The following FGF14 variants were observed in gnomAD, a reference collection of about 807,000 sequenced individuals.
FGF14 encodes fibroblast growth factor homologous factor 4.
FGF14 carries 5 observed loss-of-function variants against 25.5 expected under a neutral mutation model. That is an observed-to-expected ratio of 0.20 (90% CI 0.10 to 0.41). The LOEUF (loss-of-function observed/expected upper bound fraction) is 0.41. FGF14 is among the 10% of genes least tolerant of loss of function. FGF14 has a pLI of 1.00. For synonymous variants in FGF14, 138 were observed against 118.3 expected (o/e 1.17, Z -1.08); for missense variants, 222 against 320.1 (o/e 0.69, Z 2.34).
intron 1 of FGF14, among the ~76,000 whole-genome samples, chr13:102,033,162 C>A (rs2041295128): frequency 1.3e-5 from 2 of 152,078 alleles, no homozygotes; most frequent in Admixed American, 1.3e-4. Flanking sequence ...TCTTCATGAT[C>A]AGTTACTTTT....
At chr13:102,351,347 C>T (rs1004800654) in intron 1 of FGF14, among the ~76,000 whole-genome samples, 10 of 151,896 alleles carry the variant, frequency 6.6e-5, no homozygotes, top group African/African-American at 2.4e-4. Context: ...TCTTTCCCCT[C>T]GAACATGTCT....
intron 1 of FGF14, among the ~76,000 whole-genome samples, chr13:102,227,551 G>C (rs184237003): frequency 6.6e-6 from 1 of 151,900 alleles, no homozygotes; most frequent in Admixed American, 6.6e-5. Flanking sequence ...TTCATGTTTC[G>C]CAAACATAAT....
intron 3 of FGF14, among the ~76,000 whole-genome samples, chr13:101,746,640 T>G (rs2036909552): frequency 6.6e-6 from 1 of 152,012 alleles, no homozygotes. Flanking sequence ...CTGCATAAAG[T>G]GCCTGGTAGA....
chr13:102,310,573 A>G (rs1195487659), intron 1 of FGF14, among the ~76,000 whole-genome samples: 3 of 151,848 alleles, frequency 2.0e-5, no homozygotes, highest in African/African-American at 7.3e-5. Context: ...CAAGGGACTG[A>G]AAAGTGTCTT....
At chr13:102,026,455 T>C (rs2040932845) in intron 1 of FGF14, among the ~76,000 whole-genome samples, 1 of 151,962 alleles carries the variant, frequency 6.6e-6, no homozygotes, top group African/African-American at 2.4e-5. Flanking sequence ...ATTGAAAGAA[T>C]TGGGAAGTGT....
chr13:102,009,611 C>T (rs2039979265), intron 1 of FGF14, among the ~76,000 whole-genome samples: 1 of 151,852 alleles, frequency 6.6e-6, no homozygotes, highest in African/African-American at 2.4e-5. Context: ...TTTAAACATC[C>T]ACCATGAGGA....
intron 1 of FGF14, among the ~76,000 whole-genome samples, chr13:101,964,570 T>A (rs2037068533): frequency 6.6e-6 from 1 of 152,138 alleles, no homozygotes; most frequent in Non-Finnish European, 1.5e-5. Flanking sequence ...TATGATGATA[T>A]AAGCCATCAT....
Position 102,189,609 on chromosome 13 carries a change from T to A in FGF14, c.208+211862A>T, listed in dbSNP as rs142610087. Among the ~76,000 whole-genome samples, 497 of 152,336 alleles carry A rather than the reference T, an allele frequency of 3.3e-3. 3 individuals are homozygous for A. The highest frequency in any genetic ancestry group is 0.011 in the African/African-American group (472 of 41,582). On this transcript the variant is annotated intron_variant, in intron 1 of 4. Transcript: ENST00000376131. ...GTCATGCCATAAGCCCAATCAGTGC[T>A]ATAACAATGACCCTTAATATCTACT...
chr13:102,391,201 T>C (rs2058424208), intron 1 of FGF14, among the ~76,000 whole-genome samples: 1 of 152,152 alleles, frequency 6.6e-6, no homozygotes, highest in Non-Finnish European at 1.5e-5. Flanking sequence ...TAGAATCGGA[T>C]AGTACAAATA....
chr13:102,047,613 G>A (rs2042042677), intron 1 of FGF14, among the ~76,000 whole-genome samples: 1 of 152,188 alleles, frequency 6.6e-6, no homozygotes, highest in Admixed American at 6.5e-5. Context: ...CTCACTCATA[G>A]GTGGGAATTG....
chr13:102,216,317 C>T (rs953389977), intron 1 of FGF14, among the ~76,000 whole-genome samples: 1 of 152,094 alleles, frequency 6.6e-6, no homozygotes, highest in African/African-American at 2.4e-5. Context: ...ATGATCTTAA[C>T]CAAGTCGCTC....
intron 1 of FGF14, among the ~76,000 whole-genome samples, chr13:102,232,400 A>G (rs2051126093): frequency 6.6e-6 from 1 of 152,198 alleles, no homozygotes; most frequent in African/African-American, 2.4e-5. Context: ...TAAATAAGAA[A>G]TAACTCTAGG....
chr13:101,921,512 A>C (rs2034005951), upstream of FGF14, among the ~76,000 whole-genome samples: 1 of 152,216 alleles, frequency 6.6e-6, no homozygotes, highest in South Asian at 2.1e-4. Flanking sequence ...AATACCCCGT[A>C]TATATTTGTG....
chr13:102,163,835 C>T (rs1463674258), intron 1 of FGF14, among the ~76,000 whole-genome samples: 3 of 151,908 alleles, frequency 2.0e-5, no homozygotes, highest in Non-Finnish European at 1.5e-5. Context: ...CAGACTTGCC[C>T]CCCCCAGAAA....
At chr13:102,317,535 T>C (rs1409078891) in intron 1 of FGF14, among the ~76,000 whole-genome samples, 3 of 152,236 alleles carry the variant, frequency 2.0e-5, no homozygotes, top group African/African-American at 7.2e-5. Flanking sequence ...TAAATATAAA[T>C]GAATGAATTT....
At chr13:101,849,176 C>G (rs745805349) in intron 3 of FGF14, among the ~76,000 whole-genome samples, 5 of 151,962 alleles carry the variant, frequency 3.3e-5, no homozygotes, top group Non-Finnish European at 7.4e-5. Flanking sequence ...CACATCTATA[C>G]TTTTAACAAA....
chr13:102,204,287 A>G (rs1021614195), intron 1 of FGF14, among the ~76,000 whole-genome samples: 1 of 152,122 alleles, frequency 6.6e-6, no homozygotes, highest in East Asian at 1.9e-4. Context: ...ACTTAGTTCA[A>G]TTTTCCCAGG....
At chr13:102,356,287 T>G (rs1215290450) in intron 1 of FGF14, among the ~76,000 whole-genome samples, 2 of 152,232 alleles carry the variant, frequency 1.3e-5, no homozygotes, top group African/African-American at 4.8e-5. Context: ...AGAGCAAAAC[T>G]TTTTAAAACG....
intron 1 of FGF14, among the ~76,000 whole-genome samples, chr13:102,118,652 T>A (rs1432197991): frequency 6.6e-6 from 1 of 152,082 alleles, no homozygotes; most frequent in African/African-American, 2.4e-5. Context: ...GGAAAAAAAA[T>A]TCACTATATT....
Sources: gnomAD v4.1 joint callset for allele counts (sites outside exome capture counted in the v4.1 genomes callset) on GRCh38, gnomAD v4.1.1 for gene constraint, MANE v1.5 for transcripts, NCBI Gene and HGNC (gene_info 2026-07-23, HGNC 2026-07-21) for gene names.